The following RABGAP1L variants were observed in gnomAD, a reference collection of about 807,000 sequenced individuals.
RABGAP1L encodes RAB GTPase activating protein 1 like.
In RABGAP1L, 63 loss-of-function variants were observed where a neutral mutation model predicts 137.7. The ratio of observed to expected loss-of-function variants is 0.46; its 90% CI spans 0.37 to 0.56. The LOEUF (loss-of-function observed/expected upper bound fraction) is 0.56, where lower values mean the gene tolerates loss of function less well. RABGAP1L is among the 20% of genes least tolerant of loss of function. The probability of loss-of-function intolerance (pLI) is 0.00; values close to 1 mark genes in which losing one functional copy is unlikely to be tolerated. For missense variants in RABGAP1L, 1,095 were observed against 1,244.0 expected (o/e 0.88, Z 1.80); for synonymous variants, 431 against 433.7 (o/e 0.99, Z 0.08).
intron 15 of RABGAP1L, among the ~76,000 whole-genome samples, chr1:174,693,056 A>G (rs332764): frequency 0.39 from 60,012 of 151,992 alleles, 15,023 homozygotes; most frequent in African/African-American, 0.71. Context: ...AAGTTTTGAG[A>G]GGAATGATTG....
At chr1:174,763,547 A>G (rs1685412187) in intron 18 of RABGAP1L, among the ~76,000 whole-genome samples, 1 of 145,748 alleles carries the variant, frequency 6.9e-6, no homozygotes, top group South Asian at 2.3e-4. Flanking sequence ...GCTACTCGGG[A>G]GGCTGAGGCA....
chr1:174,341,374 A>G (rs1681958388), intron 11 of RABGAP1L, among the ~76,000 whole-genome samples: 1 of 152,226 alleles, frequency 6.6e-6, no homozygotes, highest in Admixed American at 6.6e-5. Flanking sequence ...TTTATAATTT[A>G]TCTTAGAGAC....
intron 17 of RABGAP1L, among the ~76,000 whole-genome samples, chr1:174,743,286 G>A (rs1464649868): frequency 6.6e-6 from 1 of 152,178 alleles, no homozygotes; most frequent in African/African-American, 2.4e-5. Flanking sequence ...ATCTGGATAT[G>A]GTGATCTGGT....
At chr1:174,775,693 T>C (rs1221747992) in intron 18 of RABGAP1L, among the ~76,000 whole-genome samples, 1 of 152,116 alleles carries the variant, frequency 6.6e-6, no homozygotes, top group East Asian at 1.9e-4. Flanking sequence ...ATTACCTATA[T>C]TCTCACACAT....
intron 11 of RABGAP1L, among the ~76,000 whole-genome samples, chr1:174,337,961 C>T (rs1558144467): frequency 6.6e-6 from 1 of 152,106 alleles, no homozygotes; most frequent in Non-Finnish European, 1.5e-5. Context: ...TTAAGGAATA[C>T]TGTGAAACAT....
intron 4 of RABGAP1L, among the ~76,000 whole-genome samples, chr1:174,232,805 C>T (rs1193173144): frequency 2.0e-5 from 3 of 151,826 alleles, no homozygotes; most frequent in Non-Finnish European, 2.9e-5. Context: ...CTCCTACATT[C>T]GGCCTTTCCC....
At chr1:174,661,115 G>T (rs951085159) in intron 14 of RABGAP1L, among the ~76,000 whole-genome samples, 28 of 152,110 alleles carry the variant, frequency 1.8e-4, no homozygotes, top group Admixed American at 1.0e-3. Context: ...GAGATGTTTG[G>T]CATTCAGAAC....
intron 19 of RABGAP1L, among the ~76,000 whole-genome samples, chr1:174,822,802 G>A (rs1376013479): frequency 6.6e-6 from 1 of 152,178 alleles, no homozygotes; most frequent in Non-Finnish European, 1.5e-5. Flanking sequence ...CCGCTGCCTG[G>A]TGGTAGGGAC....
chr1:174,201,898 G>A lies in RABGAP1L; in HGVS notation c.-33-17227G>A, dbSNP rs1031876297. 4.0e-5 allele frequency among the ~76,000 whole-genome samples: 6 copies of A among 149,050 alleles called. No individual in the cohort carries two copies. The East Asian group carries it at 1.0e-3, about 25-fold the overall frequency. On this transcript the variant is annotated intron_variant, in intron 1 of 25. Transcript: ENST00000681986. ...TTCCCACCTACGAGTGAGAACATGC[G>A]GTGTTTGATTCTTTGTCCTTGCGAC...
chr1:174,600,552 A>G (rs1670330250), intron 13 of RABGAP1L, among the ~76,000 whole-genome samples: 2 of 152,012 alleles, frequency 1.3e-5, no homozygotes, highest in South Asian at 4.2e-4. Flanking sequence ...TCCAAATGGG[A>G]GAAATTGGCC....
In RABGAP1L at chr1:174,543,185, A is replaced by G. The variant is rs193146984; in HGVS notation, c.1711-94190A>G. 3.9e-3 allele frequency among the ~76,000 whole-genome samples: 589 copies of G among 152,256 alleles called. 15 individuals are homozygous for G. Among genetic ancestry groups the G allele is most frequent in the Admixed American group, 0.033 (500 of 15,288 alleles). The stretch of plus-strand genomic sequence containing the variant: ...TGTCTCATTGATCTGTCTAATGTTG[A>G]CAGTGGGGTGTTAAAGTCTCCCATT... On this transcript the variant is annotated intron_variant, in intron 13 of 25. Transcript: ENST00000681986.
chr1:174,590,123 CTTTTTTTTTTTTT>C (rs1166364912), intron 13 of RABGAP1L, among the ~76,000 whole-genome samples: 52 of 59,808 alleles, frequency 8.7e-4, no homozygotes, highest in African/African-American at 1.5e-3. Context: ...TCTTCAGTTT[CTTTTTTTTTTTTT>C]TTTTTTTTTT....
At chr1:174,896,743 T>A (rs1195153606) in intron 19 of RABGAP1L, among the ~76,000 whole-genome samples, 1 of 152,160 alleles carries the variant, frequency 6.6e-6, no homozygotes, top group Admixed American at 6.5e-5. Flanking sequence ...AAAGATCAGA[T>A]GGTTGTAGAT....
chr1:174,206,582 C>T (rs147508910), intron 1 of RABGAP1L, among the ~76,000 whole-genome samples: 39 of 152,238 alleles, frequency 2.6e-4, no homozygotes, highest in African/African-American at 7.9e-4. Flanking sequence ...CCAATCTTGA[C>T]TCACCCTTAT....
chr1:174,296,701 GT>G (rs1677156881), intron 10 of RABGAP1L, among the ~76,000 whole-genome samples: 1 of 152,150 alleles, frequency 6.6e-6, no homozygotes. Context: ...TCAATTCAAA[GT>G]TTTTTTAATG....
intron 1 of RABGAP1L, among the ~76,000 whole-genome samples, chr1:174,201,417 C>A (rs574351631): frequency 3.3e-5 from 5 of 152,162 alleles, no homozygotes; most frequent in Admixed American, 3.3e-4. Flanking sequence ...AGTCTAGTCT[C>A]GAACTCCTGA....
At chr1:174,837,282 A>G (rs1051154311) in intron 19 of RABGAP1L, among the ~76,000 whole-genome samples, 3 of 152,206 alleles carry the variant, frequency 2.0e-5, no homozygotes, top group African/African-American at 2.4e-5. Flanking sequence ...TTTTAACCAC[A>G]TCAATAATAT....
At chr1:174,613,546 G>A (rs1213589482) in intron 13 of RABGAP1L, among the ~76,000 whole-genome samples, 1 of 152,164 alleles carries the variant, frequency 6.6e-6, no homozygotes, top group Non-Finnish European at 1.5e-5. Context: ...GATTTGGGGT[G>A]GAGAGTTCTG....
At chr1:174,891,474 G>T (rs1291878432) in intron 19 of RABGAP1L, among the ~76,000 whole-genome samples, 1 of 152,080 alleles carries the variant, frequency 6.6e-6, no homozygotes, top group African/African-American at 2.4e-5. Flanking sequence ...TTGCCAAAAA[G>T]GTGTAGTCCC....
Sources: allele counts gnomAD v4.1 joint callset (sites outside exome capture counted in the v4.1 genomes callset), GRCh38; gene constraint gnomAD v4.1.1; transcripts MANE v1.5; gene names NCBI Gene and HGNC (gene_info 2026-07-23, HGNC 2026-07-21).